The following FRMPD4 variants were observed in gnomAD, a reference collection of about 807,000 sequenced individuals.
FRMPD4 encodes FERM and PDZ domain-containing protein 4.
FRMPD4 carries 22 observed loss-of-function variants against 94.1 expected under a neutral mutation model. The observed-to-expected ratio is 0.23, with a 90% confidence interval of 0.17 to 0.33. The LOEUF is 0.33. Ranked by LOEUF, FRMPD4 falls within the 10% of genes least tolerant of loss-of-function variation. FRMPD4 has a pLI of 1.00. For missense variants in FRMPD4, 1,111 were observed against 1,339.9 expected (o/e 0.83, Z 2.67); for synonymous variants, 631 against 548.6 (o/e 1.15, Z -2.10).
chrX:12,570,293 ATATT>A (rs869188911), intron 2 of FRMPD4, among the ~76,000 whole-genome samples: 1 of 75,895 alleles, frequency 1.3e-5, no homozygotes, highest in Non-Finnish European at 2.4e-5. Flanking sequence ...AACTTTACAT[ATATT>A]TATTTTATTT....
At chrX:12,018,234 G>A (rs2054614301) in intron 3 of FRMPD4, among the ~76,000 whole-genome samples, 1 of 109,890 alleles carries the variant, frequency 9.1e-6, no homozygotes, top group African/African-American at 3.3e-5. Flanking sequence ...CTGAAGAATC[G>A]AGGGAAAATC....
At position 12,192,553 on chromosome X, in the gene FRMPD4, C is replaced by T. The variant is rs144400574; in HGVS notation, c.41+53541C>T. 4.8e-3 allele frequency among the ~76,000 whole-genome samples: 536 copies of T among 111,689 alleles called. 5 individuals carry two copies. Among genetic ancestry groups the T allele is most frequent in the African/African-American group, 0.016 (508 of 30,788 alleles). On this transcript the variant is annotated intron_variant, in intron 1 of 16. Coordinates refer to ENST00000675598, the MANE Select transcript of FRMPD4 (RefSeq NM_001368397.1). The stretch of plus-strand genomic sequence containing the variant: ...GCATGCTCACTTCTCTTTCACCTTG[C>T]CAGTCAAGCATGACAGAAGGATTAA...
chrX:12,151,498 AAAC>A (rs1226246518), intron 1 of FRMPD4, among the ~76,000 whole-genome samples: 1 of 112,185 alleles, frequency 8.9e-6, no homozygotes, highest in Non-Finnish European at 1.9e-5. Flanking sequence ...TCAAGAGTCC[AAAC>A]AACAATATCC....
At chrX:12,712,069 C>A (rs1334726151) in intron 14 of FRMPD4, among the ~76,000 whole-genome samples, 2 of 111,371 alleles carry the variant, frequency 1.8e-5, no homozygotes, top group Non-Finnish European at 3.8e-5. Flanking sequence ...CCAGTCCCAT[C>A]TTGAGGTATC....
intron 3 of FRMPD4, among the ~76,000 whole-genome samples, chrX:12,115,660 A>G (rs544344961): frequency 1.9e-5 from 2 of 106,240 alleles, no homozygotes; most frequent in Admixed American, 1.0e-4. Flanking sequence ...CACTTACTTC[A>G]GACTGTGGCT....
At chrX:11,981,609 A>T (rs1008747588) in intron 3 of FRMPD4, among the ~76,000 whole-genome samples, 1 of 111,749 alleles carries the variant, frequency 8.9e-6, no homozygotes, top group African/African-American at 3.2e-5. Context: ...ACTTGATTTC[A>T]ATTCTGTCTG....
At position 12,479,437 on chromosome X, in the gene FRMPD4, C is replaced by T. The variant is rs867250581; in HGVS notation, c.42-19243C>T. On this transcript the variant is annotated intron_variant, in intron 1 of 16. Transcript: ENST00000675598. ...ATACATATATACGTATATATATACA[C>T]ACATATATGTATATATATGTATATA... 9.7e-3 allele frequency among the ~76,000 whole-genome samples: 237 copies of T among 24,515 alleles called. 1 individual carries two copies. The East Asian group carries it at 0.11, about 12-fold the overall frequency. The allele number at this position is 24,515 out of a possible 115,157, so 21.3% of individuals were successfully genotyped here. A position where few individuals can be genotyped will look rare whatever the true frequency, so the allele number is the denominator to read the frequency against.
chrX:12,243,202 C>T (rs2053902605), intron 1 of FRMPD4, among the ~76,000 whole-genome samples: 1 of 112,263 alleles, frequency 8.9e-6, no homozygotes, highest in Non-Finnish European at 1.9e-5. Flanking sequence ...TTTCTGTATG[C>T]TTCGTCATTC....
At chrX:12,463,681 G>GTT (rs764684007) in intron 1 of FRMPD4, among the ~76,000 whole-genome samples, 581 of 50,957 alleles carry the variant, frequency 0.011, 44 homozygotes, top group African/African-American at 0.028. Flanking sequence ...CTATGTGTGT[G>GTT]TTTTTTTTTT....
At chrX:12,439,570 T>C (rs1009160414) in intron 1 of FRMPD4, among the ~76,000 whole-genome samples, 1 of 111,888 alleles carries the variant, frequency 8.9e-6, no homozygotes, top group Non-Finnish European at 1.9e-5. Context: ...GGTGTTGTGC[T>C]GTCATGGTGT....
chrX:12,273,914 A>G (rs1037612373), intron 1 of FRMPD4, among the ~76,000 whole-genome samples: 1 of 112,091 alleles, frequency 8.9e-6, no homozygotes, highest in Non-Finnish European at 1.9e-5. Context: ...CAGGGGTGAC[A>G]TTATTTCCAT....
chrX:11,850,170 G>A (rs2053612540), intron 1 of FRMPD4, among the ~76,000 whole-genome samples: 1 of 112,385 alleles, frequency 8.9e-6, no homozygotes, highest in African/African-American at 3.2e-5. Flanking sequence ...ACCAGCATAT[G>A]AAAAGTTGTT....
intron 1 of FRMPD4, among the ~76,000 whole-genome samples, chrX:12,342,357 C>T (rs1445837104): frequency 8.9e-6 from 1 of 111,808 alleles, no homozygotes; most frequent in African/African-American, 3.3e-5. Flanking sequence ...AATCAAGACC[C>T]TATAAAAAAA....
intron 1 of FRMPD4, among the ~76,000 whole-genome samples, chrX:12,256,469 C>T (rs1284641932): frequency 8.9e-6 from 1 of 111,976 alleles, no homozygotes; most frequent in Non-Finnish European, 1.9e-5. Context: ...CTTAACCACC[C>T]GTTGAATTTG....
At position 12,724,322 on chromosome X, in the gene FRMPD4, C is replaced by T. The variant is rs1028099704; in HGVS notation, c.*2464C>T. 3.6e-5 allele frequency: 4 copies of T among 111,457 alleles called. No homozygotes were observed. The highest frequency in any genetic ancestry group is 9.8e-5 in the African/African-American group (3 of 30,666). 9.2% of individuals were successfully genotyped at this position (111,457 alleles called of 1,213,427 possible). On this transcript the variant is annotated 3_prime_UTR_variant, in exon 17 of 17. Coordinates refer to ENST00000675598, the MANE Select transcript of FRMPD4 (RefSeq NM_001368397.1). ...ATAAACTCTTTGCTATTCAGAAAACCTCAAGGGGCCCCCACATTCACTAAG... is the reference window on the plus strand; with the variant it reads ...ATAAACTCTTTGCTATTCAGAAAACTTCAAGGGGCCCCCACATTCACTAAG...
chrX:11,850,974 C>T (rs2053618216), intron 1 of FRMPD4, among the ~76,000 whole-genome samples: 1 of 112,041 alleles, frequency 8.9e-6, no homozygotes, highest in African/African-American at 3.2e-5. Context: ...TATTTTACCA[C>T]AATTTTTAAA....
At chrX:12,648,936 A>G (rs2059572195) in intron 4 of FRMPD4, among the ~76,000 whole-genome samples, 1 of 112,394 alleles carries the variant, frequency 8.9e-6, no homozygotes, top group African/African-American at 3.2e-5. Flanking sequence ...CCTACCTTGA[A>G]GAGTTACTGA....
At chrX:12,297,829 G>A (rs188032274) in intron 1 of FRMPD4, among the ~76,000 whole-genome samples, 5 of 111,374 alleles carry the variant, frequency 4.5e-5, no homozygotes, top group Non-Finnish European at 9.4e-5. Flanking sequence ...CTATTTCTTG[G>A]CAGGGATACA....
At chrX:12,101,893 T>C (rs5935238) in intron 3 of FRMPD4, among the ~76,000 whole-genome samples, 57,256 of 110,948 alleles carry the variant, frequency 0.52, 11,640 homozygotes, top group Non-Finnish European at 0.66. Flanking sequence ...TATCTATATC[T>C]CCATCTATAG....
Sources: allele counts gnomAD v4.1 joint callset (sites outside exome capture counted in the v4.1 genomes callset), GRCh38; gene constraint gnomAD v4.1.1; transcripts MANE v1.5; gene names NCBI Gene and HGNC (gene_info 2026-07-23, HGNC 2026-07-21).